RCN2: variants seen among roughly 807,000 people sequenced by gnomAD.
RCN2 encodes the protein reticulocalbin-2.
In RCN2, 23 loss-of-function variants were observed where a neutral mutation model predicts 37.5. The observed-to-expected ratio is 0.61, with a 90% CI of 0.44 to 0.87. The LOEUF (loss-of-function observed/expected upper bound fraction) is 0.87. Ranked by LOEUF, RCN2 falls within the 40% of genes least tolerant of loss-of-function variation. The pLI, the probability that RCN2 is intolerant of heterozygous loss-of-function variation, is 0.00. For missense variants in RCN2, 381 were observed against 390.4 expected (o/e 0.98, Z 0.20); for synonymous variants, 140 against 144.6 (o/e 0.97, Z 0.23).
chr15:76,937,608 A>G (rs2075257798), intron 3 of RCN2, among the ~76,000 whole-genome samples: 1 of 151,982 alleles, frequency 6.6e-6, no homozygotes, highest in Non-Finnish European at 1.5e-5. Flanking sequence ...GGGTTTTACC[A>G]TCTTGCCCAG....
Position 76,953,580 on chromosome 15 carries a change from TA to T in RCN2, c.*4359del. The T allele has an allele frequency of 1.4e-4, 3 of 20,846 alleles. No homozygotes were observed. The highest frequency in any genetic ancestry group is 2.1e-4 in the Non-Finnish European group (2 of 9,450). 1.3% of individuals were successfully genotyped at this position (20,846 alleles called of 1,614,324 possible). A position where few individuals can be genotyped will look rare whatever the true frequency, so the allele number is the denominator to read the frequency against. ...CTATATATATATATATATATATATA[TA>T]TATATATATATATTTTTTTTTTTTT... On this transcript the variant is annotated 3_prime_UTR_variant, in exon 7 of 7. Transcript: ENST00000394885.
chr15:76,937,990 ATACT>A (rs1324898136), intron 3 of RCN2, among the ~76,000 whole-genome samples: 2 of 152,278 alleles, frequency 1.3e-5, no homozygotes, highest in South Asian at 2.1e-4. Flanking sequence ...TGTATTATAC[ATACT>A]TACAGAGTAC....
chr15:76,948,847 T>C (rs889206437), intron 6 of RCN2: 3 of 558,088 alleles, frequency 5.4e-6, no homozygotes, highest in Non-Finnish European at 9.3e-6. Context: ...ATATCCTGGA[T>C]TGGATTTGAG....
intron 3 of RCN2, chr15:76,941,578 G>GAA: frequency 4.2e-6 from 4 of 943,682 alleles, no homozygotes; most frequent in Admixed American, 2.9e-5. Context: ...TTATATACAA[G>GAA]AAAAAAAAAG....
chr15:76,931,877 G>C lies in RCN2; in HGVS notation c.36G>C (p.Leu12=), dbSNP rs1278505641. 7 of 1,311,834 alleles carry C rather than the reference G, an allele frequency of 5.3e-6. No homozygotes were observed. The highest frequency in any genetic ancestry group is 6.8e-6 in the Non-Finnish European group (7 of 1,030,160). The allele number at this position is 1,311,834 out of a possible 1,614,324, so 81.3% of individuals were successfully genotyped here. The change falls in exon 1 of 7, where the codon CTG becomes CTC. Residue 12 remains leucine (L), a synonymous_variant. Transcript: ENST00000394885. ...GCCCGAGGACCGCGGCGTTGGGGCT[G>C]CTGCTGCTGTGCGCCGCCGCGGCCG... The part of the protein sequence containing the change: ...RLGPRTAALG[L]LLLCAAAAGA...
intron 3 of RCN2, among the ~76,000 whole-genome samples, chr15:76,936,650 T>G (rs1293354887): frequency 6.6e-6 from 1 of 152,154 alleles, no homozygotes; most frequent in Non-Finnish European, 1.5e-5. Flanking sequence ...ACCTAGGGAT[T>G]GAGGGTCCGT....
chr15:76,933,602 C>A (rs1271967164), intron 2 of RCN2, among the ~76,000 whole-genome samples: 1 of 152,190 alleles, frequency 6.6e-6, no homozygotes, highest in African/African-American at 2.4e-5. Flanking sequence ...GAAGTTTAAA[C>A]TTAGAAAAGT....
chr15:76,949,399 T>C lies in RCN2; in HGVS notation c.*177T>C. On this transcript the variant is annotated 3_prime_UTR_variant, in exon 7 of 7. Transcript: ENST00000394885. The stretch of plus-strand genomic sequence containing the variant: ...GGAAAAAAAAACAAAAATCTGATAT[T>C]TATTTCAAAATGTATTGAAGCAACA... 1 of 459,290 alleles carries C rather than the reference T, an allele frequency of 2.2e-6. No individual in the cohort carries two copies. Among genetic ancestry groups the C allele is most frequent in the South Asian group, 6.2e-5 (1 of 16,140 alleles). 28.5% of individuals were successfully genotyped at this position (459,290 alleles called of 1,614,324 possible). A position where few individuals can be genotyped will look rare whatever the true frequency, so the allele number is the denominator to read the frequency against.
In RCN2 at chr15:76,953,116, T is replaced by G. The variant is rs934963854; in HGVS notation, c.*3894T>G. On this transcript the variant is annotated 3_prime_UTR_variant, in exon 7 of 7. Coordinates refer to ENST00000394885, the MANE Select transcript of RCN2 (RefSeq NM_002902.3). Reference sequence around the variant, plus strand: ...GCCCGGCTAATTTTTGTACTTTTAGTAGAGACGGGGTTTCGCCATGTTGGC... The same window carrying G: ...GCCCGGCTAATTTTTGTACTTTTAGGAGAGACGGGGTTTCGCCATGTTGGC... The G allele has an allele frequency of 2.0e-5, 3 of 151,488 alleles. No homozygotes were observed. The highest frequency in any genetic ancestry group is 1.5e-5 in the Non-Finnish European group (1 of 67,992). The allele number at this position is 151,488 out of a possible 1,614,324, so 9.4% of individuals were successfully genotyped here. A position where few individuals can be genotyped will look rare whatever the true frequency, so the allele number is the denominator to read the frequency against.
chr15:76,932,004 T>C lies in RCN2; in HGVS notation c.144+19T>C. ...CGTCCAGGTGAGGCGGCCAGGCCGG[T>C]GCTGGGAGGGCCGGGCCTCGCACCG... On this transcript the variant is annotated intron_variant, in intron 1 of 6. Coordinates refer to ENST00000394885, the MANE Select transcript of RCN2 (RefSeq NM_002902.3). 1 of 1,252,460 alleles carries C rather than the reference T, an allele frequency of 8.0e-7. No individual in the cohort carries two copies. Among genetic ancestry groups the C allele is most frequent in the Admixed American group, 4.3e-5 (1 of 23,054 alleles). 77.6% of individuals were successfully genotyped at this position (1,252,460 alleles called of 1,614,324 possible).
At chr15:76,943,156 T>A (rs1265041860) in intron 3 of RCN2, 1 of 152,164 alleles carries the variant, frequency 6.6e-6, no homozygotes, top group Non-Finnish European at 1.5e-5. Context: ...TTGAGATTAA[T>A]TATTAAAGTA....
intron 3 of RCN2, among the ~76,000 whole-genome samples, chr15:76,940,314 T>A (rs1166947474): frequency 5.3e-5 from 8 of 149,548 alleles, no homozygotes; most frequent in Middle Eastern, 3.4e-3. Flanking sequence ...AAAAAAAAAA[T>A]AACGTCCTAA....
rs1596008678 is a variant in RCN2 at position 76,950,873 on chromosome 15, C to T, written c.*1651C>T. On this transcript the variant is annotated 3_prime_UTR_variant, in exon 7 of 7. Coordinates refer to ENST00000394885, the MANE Select transcript of RCN2 (RefSeq NM_002902.3). ...TAGAATCGACTGCACCTATATACCT[C>T]TCTACTGCCGCATCTTTGCTGATGT... is the stretch of plus-strand genomic sequence containing the variant. 1 of 152,218 alleles carries T rather than the reference C, an allele frequency of 6.6e-6. No homozygotes were observed. Among genetic ancestry groups the T allele is most frequent in the African/African-American group, 2.4e-5 (1 of 41,438 alleles). The allele number at this position is 152,218 out of a possible 1,614,324, so 9.4% of individuals were successfully genotyped here.
intron 4 of RCN2, among the ~76,000 whole-genome samples, chr15:76,945,031 A>G (rs2075291485): frequency 6.6e-6 from 1 of 152,212 alleles, no homozygotes; most frequent in Admixed American, 6.5e-5. Flanking sequence ...AAGTTGTTAA[A>G]ATGAATTGTA....
chr15:76,954,319 A>T lies in RCN2; in HGVS notation c.*5097A>T, dbSNP rs770669938. On this transcript the variant is annotated 3_prime_UTR_variant, in exon 7 of 7. Transcript: ENST00000394885. The stretch of plus-strand genomic sequence containing the variant: ...ATTTAGGAAAGCCACTTAGAGTAAA[A>T]GTTTTTAAACAACTGTAAAAACTAA... The T allele has an allele frequency of 6.6e-6, 1 of 152,188 alleles. No individual in the cohort carries two copies. Among genetic ancestry groups the T allele is most frequent in the Non-Finnish European group, 1.5e-5 (1 of 68,048 alleles). 9.4% of individuals were successfully genotyped at this position (152,188 alleles called of 1,614,324 possible).
chr15:76,949,118 T>C lies in RCN2; in HGVS notation c.850T>C (p.Ser284Pro), dbSNP rs1485519930. The C allele has an allele frequency of 6.2e-7, 1 of 1,612,508 alleles. No individual in the cohort carries two copies. Among genetic ancestry groups the C allele is most frequent in the Admixed American group, 1.7e-5 (1 of 59,646 alleles). Residue 284 changes from serine (S) to proline (P), a missense_variant, in exon 7 of 7, where the codon TCT becomes CCT. Physicochemically the swap from Ser to Pro is moderately conservative, Grantham distance 74. Transcript: ENST00000394885. ...EMDLNGDKKL[S>P]EEEILENPDL... The stretch of plus-strand genomic sequence containing the variant: ...GGATTTGAATGGTGACAAAAAGCTC[T>C]CTGAAGAAGAGATTCTGGAAAACCC...
intron 4 of RCN2, 28 bp downstream of exon 4, chr15:76,943,899 T>C (rs1259866956): frequency 7.6e-7 from 1 of 1,324,366 alleles, no homozygotes; most frequent in East Asian, 2.3e-5. Context: ...TTAAGAGAAT[T>C]ATTGAGTGAC....
rs986809154 is a variant in RCN2 at position 76,953,801 on chromosome 15, G to A, written c.*4579G>A. On this transcript the variant is annotated 3_prime_UTR_variant, in exon 7 of 7. Transcript: ENST00000394885. The stretch of plus-strand genomic sequence containing the variant: ...TTTTTGTATTTTTAGTAGAGACGGG[G>A]TTTCACCGTGTTAGCCAGGATGGTC... 1.7e-4 allele frequency: 3 copies of A among 17,292 alleles called. No individual in the cohort carries two copies. In the Non-Finnish European group the frequency reaches 6.4e-3, roughly 37 times the overall value. The allele number at this position is 17,292 out of a possible 1,614,324, so 1.1% of individuals were successfully genotyped here. A position where few individuals can be genotyped will look rare whatever the true frequency, so the allele number is the denominator to read the frequency against.
At position 76,953,700 on chromosome 15, in the gene RCN2, C is replaced by CG. The variant is rs1555669560; in HGVS notation, c.*4481dup. On this transcript the variant is annotated 3_prime_UTR_variant, in exon 7 of 7. Coordinates refer to ENST00000394885, the MANE Select transcript of RCN2 (RefSeq NM_002902.3). The stretch of plus-strand genomic sequence containing the variant: ...TCGGCTCACTGCAGGCTCCGCCTCC[C>CG]GGGTTCACACCATTCTCCTGCCTCA... The CG allele has an allele frequency of 6.9e-6, 1 of 144,412 alleles. No homozygotes were observed. The highest frequency in any genetic ancestry group is 1.5e-5 in the Non-Finnish European group (1 of 66,474). 8.9% of individuals were successfully genotyped at this position (144,412 alleles called of 1,614,324 possible). A position where few individuals can be genotyped will look rare whatever the true frequency, so the allele number is the denominator to read the frequency against.
Sources: allele counts gnomAD v4.1 joint callset (sites outside exome capture counted in the v4.1 genomes callset), GRCh38; gene constraint gnomAD v4.1.1; transcripts MANE v1.5; gene names NCBI Gene and HGNC (gene_info 2026-07-23, HGNC 2026-07-21).